OR5BS1: variants seen among roughly 807,000 people sequenced by gnomAD.
OR5BS1 encodes the protein olfactory receptor 5BS1.
the OR5BS1 span, among the ~76,000 whole-genome samples, chr12:48,561,101 A>C: frequency 4.0e-4 from 21 of 52,608 alleles, no homozygotes; most frequent in African/African-American, 1.3e-3. Context: ...AGACTAGGTC[A>C]AAAAAAAAAA....
the OR5BS1 span, among the ~76,000 whole-genome samples, chr12:48,562,249 A>G: frequency 0.14 from 21,548 of 152,240 alleles, 1,918 homozygotes; most frequent in Non-Finnish European, 0.21. Context: ...AATAACAGGC[A>G]AGGATTCTGA....
chr12:48,560,852 C>G, the OR5BS1 span, among the ~76,000 whole-genome samples: 1 of 152,100 alleles, frequency 6.6e-6, no homozygotes, highest in Non-Finnish European at 1.5e-5. Context: ...CCTGTAACCC[C>G]AGCACTTTGG....
At chr12:48,562,233 T>A in the OR5BS1 span, among the ~76,000 whole-genome samples, 1 of 152,252 alleles carries the variant, frequency 6.6e-6, no homozygotes, top group South Asian at 2.1e-4. Context: ...CACTCAACTT[T>A]ATACAAATAA....
the OR5BS1 span, chr12:48,560,743 C>T: frequency 5.0e-6 from 2 of 398,738 alleles, no homozygotes; most frequent in East Asian, 3.6e-5. Context: ...TACAAAATAG[C>T]AGGACATTCA....
At chr12:48,560,838 C>G in the OR5BS1 span, among the ~76,000 whole-genome samples, 2 of 152,186 alleles carry the variant, frequency 1.3e-5, no homozygotes, top group Non-Finnish European at 2.9e-5. Flanking sequence ...TACAGTGGCT[C>G]ATGCCTGTAA....
At chr12:48,561,181 A>G in the OR5BS1 span, among the ~76,000 whole-genome samples, 1 of 152,244 alleles carries the variant, frequency 6.6e-6, no homozygotes, top group South Asian at 2.1e-4. Context: ...AGACCAAGAT[A>G]AAGATTTTTC....
the OR5BS1 span, chr12:48,560,582 G>A: frequency 5.7e-5 from 23 of 401,552 alleles, no homozygotes; most frequent in South Asian, 1.3e-4. Context: ...GCTACAGGTC[G>A]GAGCAAGATC....
chr12:48,562,949 C>T, the OR5BS1 span: 3 of 401,132 alleles, frequency 7.5e-6, no homozygotes, highest in Non-Finnish European at 1.3e-5. Context: ...TCCAGGCTTC[C>T]CTTGTAGCCC....
At chr12:48,562,081 T>C in the OR5BS1 span, among the ~76,000 whole-genome samples, 1 of 152,240 alleles carries the variant, frequency 6.6e-6, no homozygotes, top group Admixed American at 6.5e-5. Flanking sequence ...CGAGTGGTAC[T>C]TAGCAAAATG....
chr12:48,561,924 A>G, the OR5BS1 span, among the ~76,000 whole-genome samples: 2 of 145,928 alleles, frequency 1.4e-5, no homozygotes, highest in African/African-American at 2.6e-5. Context: ...AATAAGTTAG[A>G]TGACAAAAAA....
chr12:48,560,316 G>T, the OR5BS1 span: 5 of 401,454 alleles, frequency 1.2e-5, no homozygotes, highest in East Asian at 1.8e-4. Context: ...CTGGCCTGGT[G>T]GGGGCATCCT....
At chr12:48,562,297 C>T in the OR5BS1 span, among the ~76,000 whole-genome samples, 1 of 151,998 alleles carries the variant, frequency 6.6e-6, no homozygotes, top group African/African-American at 2.4e-5. Flanking sequence ...GGAATAATGA[C>T]GATATTTTAA....
chr12:48,562,500 G>A, the OR5BS1 span, among the ~76,000 whole-genome samples: 3 of 152,082 alleles, frequency 2.0e-5, no homozygotes, highest in African/African-American at 7.2e-5. Flanking sequence ...CTTTTTATCT[G>A]TCCCCAATAT....
the OR5BS1 span, among the ~76,000 whole-genome samples, chr12:48,560,972 G>T: frequency 2.6e-5 from 4 of 151,996 alleles, no homozygotes; most frequent in African/African-American, 9.7e-5. Flanking sequence ...GTGTGGTCAC[G>T]TGCACCTGTA....
chr12:48,560,454 C>A, the OR5BS1 span: 1 of 401,690 alleles, frequency 2.5e-6, no homozygotes, highest in Admixed American at 4.4e-5. Flanking sequence ...CCTGTTCTGA[C>A]CCCTGCGCTA....
At chr12:48,561,400 A>C in the OR5BS1 span, among the ~76,000 whole-genome samples, 7 of 152,184 alleles carry the variant, frequency 4.6e-5, no homozygotes, top group Admixed American at 6.5e-5. Flanking sequence ...TCGCCAAGCC[A>C]ATTTGAGTAT....
At chr12:48,560,425 C>T in the OR5BS1 span, 1 of 401,380 alleles carries the variant, frequency 2.5e-6, no homozygotes, top group Non-Finnish European at 4.4e-6. Context: ...CTGCGAGCTT[C>T]CTCCGGTGCT....
At chr12:48,560,370 G>T in the OR5BS1 span, 1 of 401,532 alleles carries the variant, frequency 2.5e-6, no homozygotes. Flanking sequence ...CCCTCCTCCT[G>T]GCTCAGCAGC....
chr12:48,562,447 T>C, the OR5BS1 span, among the ~76,000 whole-genome samples: 8 of 152,240 alleles, frequency 5.3e-5, no homozygotes, highest in African/African-American at 1.4e-4. Context: ...TGAAATGCTA[T>C]GGAAATGTAT....
Sources: gnomAD v4.1 joint callset for allele counts (sites outside exome capture counted in the v4.1 genomes callset) on GRCh38, gnomAD v4.1.1 for gene constraint, MANE v1.5 for transcripts, NCBI Gene and HGNC (gene_info 2026-07-23, HGNC 2026-07-21) for gene names.